Variants in FYCO1 observed in about 807,000 individuals in gnomAD.
FYCO1 encodes the protein FYVE and coiled-coil domain-containing protein 1.
Under a neutral mutation model 165.1 loss-of-function variants are expected in FYCO1, and 122 were observed. The observed-to-expected ratio is 0.74, with a 90% CI of 0.64 to 0.86. FYCO1 has a LOEUF of 0.86. Ranked by LOEUF, FYCO1 falls within the 40% of genes least tolerant of loss-of-function variation. The pLI, the probability that FYCO1 is intolerant of heterozygous loss-of-function variation, is 0.00. For synonymous variants in FYCO1, 648 were observed against 742.5 expected (o/e 0.87, Z 2.07); for missense variants, 1,702 against 1,810.3 (o/e 0.94, Z 1.09).
chr3:45,935,937 G>A (rs565064554), intron 15 of FYCO1, among the ~76,000 whole-genome samples: 11 of 152,246 alleles, frequency 7.2e-5, no homozygotes, highest in Non-Finnish European at 1.0e-4. Flanking sequence ...TGGAGAACTC[G>A]ATGATATGGG....
At position 45,955,440 on chromosome 3, in the gene FYCO1, T is replaced by C. The variant is rs189827848; in HGVS notation, c.3800-47A>G. ...GGAGAGAAGAGACACAACACACTGT[T>C]ATGCATAGGCTGGGTAAGGGCCCTT... is the stretch of plus-strand genomic sequence containing the variant. On this transcript the variant is annotated intron_variant, in intron 13 of 17. Transcript: ENST00000296137. 4 of 1,610,848 alleles carry C rather than the reference T, an allele frequency of 2.5e-6. No homozygotes were observed. The African/African-American group carries it at 5.3e-5, about 21-fold the overall frequency.
intron 1 of FYCO1, among the ~76,000 whole-genome samples, chr3:45,989,015 T>C (rs1448662915): frequency 6.6e-6 from 1 of 152,132 alleles, no homozygotes; most frequent in African/African-American, 2.4e-5. Context: ...CTAATACTCA[T>C]AATATTGCCC....
At position 45,973,055 on chromosome 3, in the gene FYCO1, C is replaced by T. The variant is rs1054450845; in HGVS notation, c.539+33G>A. 3 of 1,613,178 alleles carry T rather than the reference C, an allele frequency of 1.9e-6. No homozygotes were observed. The African/African-American group carries it at 4.0e-5, about 22-fold the overall frequency. ...TTCAAAACTTCAAATGTCTCTTTTCCTGTCTTTTAAACCAAGCAATCCTTC... is the reference window on the plus strand; with the variant it reads ...TTCAAAACTTCAAATGTCTCTTTTCTTGTCTTTTAAACCAAGCAATCCTTC... On this transcript the variant is annotated intron_variant, in intron 6 of 17. Transcript: ENST00000296137.
intron 11 of FYCO1, among the ~76,000 whole-genome samples, chr3:45,960,573 C>A (rs1705646553): frequency 6.6e-6 from 1 of 152,200 alleles, no homozygotes. Flanking sequence ...CCTCAGGTCA[C>A]AAATACCCTG....
chr3:45,958,708 T>C lies in FYCO1; in HGVS notation c.3588-89A>G, dbSNP rs1705509557. The C allele has an allele frequency of 3.9e-6, 5 of 1,279,782 alleles. No homozygotes were observed. The Admixed American group carries it at 5.1e-5, about 13-fold the overall frequency. The allele number at this position is 1,279,782 out of a possible 1,614,324, so 79.3% of individuals were successfully genotyped here. ...CACCCAAACTGGGCTCTGGATGCCA[T>C]GTGACTCTCATCAGACCTGGCTCTG... On this transcript the variant is annotated intron_variant, in intron 12 of 17. Transcript: ENST00000296137.
intron 5 of FYCO1, among the ~76,000 whole-genome samples, chr3:45,974,539 G>T (rs1369127796): frequency 6.6e-6 from 1 of 152,056 alleles, no homozygotes; most frequent in African/African-American, 2.4e-5. Context: ...GAAACAAAAG[G>T]TTTTCCCTTT....
intron 6 of FYCO1, among the ~76,000 whole-genome samples, chr3:45,971,436 T>C (rs1706438977): frequency 6.6e-6 from 1 of 152,206 alleles, no homozygotes; most frequent in Non-Finnish European, 1.5e-5. Flanking sequence ...ATAAGATATA[T>C]ACTCATTACA....
chr3:45,936,368 C>T, intron 15 of FYCO1, 80 bp downstream of exon 15: 1 of 922,308 alleles, frequency 1.1e-6, no homozygotes, highest in Non-Finnish European at 1.8e-6. Flanking sequence ...CCGAGGTGGT[C>T]CCCAGCGCCG....
intron 17 of FYCO1, among the ~76,000 whole-genome samples, chr3:45,922,721 T>C (rs1354173190): frequency 6.6e-6 from 1 of 152,158 alleles, no homozygotes; most frequent in East Asian, 1.9e-4. Context: ...GTGGGCACTC[T>C]TGGCCACAAG....
Position 45,964,987 on chromosome 3 carries a change from A to G in FYCO1, c.3150+46T>C, listed in dbSNP as rs771843633. ...CCTCTTAAATGGTCCAGTCAAAACCACACCAGATGCCCTCTCCCTGACAGG... is the reference window on the plus strand; with the variant it reads ...CCTCTTAAATGGTCCAGTCAAAACCGCACCAGATGCCCTCTCCCTGACAGG... On this transcript the variant is annotated intron_variant, in intron 9 of 17. Transcript: ENST00000296137. This position sits in a 1 kb window ranked among gnomAD's most constrained non-coding sequence, Gnocchi z 4.1. 6.6e-7 allele frequency: 1 copy of G among 1,519,954 alleles called. No homozygotes were observed. The highest frequency in any genetic ancestry group is 9.1e-7 in the Non-Finnish European group (1 of 1,095,918). 94.2% of individuals were successfully genotyped at this position (1,519,954 alleles called of 1,614,324 possible).
chr3:45,969,791 C>T (rs1486403837), intron 6 of FYCO1, 26 bp from the exon 7 acceptor site: 1 of 1,598,994 alleles, frequency 6.3e-7, no homozygotes. Context: ...ACAGACATAC[C>T]TGTATTCAGA....
intron 16 of FYCO1, among the ~76,000 whole-genome samples, chr3:45,927,920 C>T (rs1375067852): frequency 6.6e-6 from 1 of 152,262 alleles, no homozygotes; most frequent in East Asian, 1.9e-4. Context: ...CTGAAGAGGG[C>T]ATGTTTAACA....
chr3:45,991,990 G>A (rs1279469135), intron 1 of FYCO1, among the ~76,000 whole-genome samples: 2 of 152,234 alleles, frequency 1.3e-5, no homozygotes, highest in Non-Finnish European at 2.9e-5. Flanking sequence ...GAAAAGCCGT[G>A]TGAGGCCACA....
At chr3:45,943,315 G>C (rs1575342172) in intron 14 of FYCO1, among the ~76,000 whole-genome samples, 1 of 152,292 alleles carries the variant, frequency 6.6e-6, no homozygotes, top group East Asian at 1.9e-4. Context: ...GGAGTGTGGG[G>C]TATCAGTCAC....
intron 10 of FYCO1, among the ~76,000 whole-genome samples, chr3:45,963,068 T>C (rs1705793673): frequency 6.6e-6 from 1 of 152,060 alleles, no homozygotes; most frequent in South Asian, 2.1e-4. Context: ...CAGTGGGACA[T>C]AATAAAAGCT....
chr3:45,931,246 C>G lies in FYCO1; in HGVS notation c.4076G>C (p.Ser1359Thr). Reference sequence around the variant, plus strand: ...CAGCTCCCTGCTACCCTCCCCGAAGCTGGCGATCTCATCCACTGTGAGGGG... The same window carrying G: ...CAGCTCCCTGCTACCCTCCCCGAAGGTGGCGATCTCATCCACTGTGAGGGG... ...KVPLTVDEIA[S>T]FGEGSRELFV... is the part of the protein sequence containing the mutation. Residue 1359 changes from serine (S) to threonine (T), a missense_variant, in exon 16 of 18, where the codon AGC becomes ACC. Coordinates refer to ENST00000296137, the MANE Select transcript of FYCO1 (RefSeq NM_024513.4). 1.9e-6 allele frequency: 3 copies of G among 1,613,958 alleles called. No individual in the cohort carries two copies. The highest frequency in any genetic ancestry group is 2.5e-6 in the Non-Finnish European group (3 of 1,179,966).
At chr3:45,944,572 A>G (rs1559447706) in intron 14 of FYCO1, among the ~76,000 whole-genome samples, 1 of 152,162 alleles carries the variant, frequency 6.6e-6, no homozygotes, top group Non-Finnish European at 1.5e-5. Flanking sequence ...TTAATTATAG[A>G]GGATAAAGAA....
At chr3:45,951,590 T>C (rs537180507) in intron 14 of FYCO1, among the ~76,000 whole-genome samples, 2 of 152,336 alleles carry the variant, frequency 1.3e-5, no homozygotes, top group South Asian at 4.1e-4. Flanking sequence ...GATTTCCTTC[T>C]CTGCCTCAGT....
At chr3:45,924,315 C>A (rs910865629) in intron 16 of FYCO1, among the ~76,000 whole-genome samples, 2 of 152,178 alleles carry the variant, frequency 1.3e-5, no homozygotes, top group Non-Finnish European at 2.9e-5. Context: ...TTCATCTTCC[C>A]GTGCCTGGGC....
Sources: allele counts gnomAD v4.1 joint callset (sites outside exome capture counted in the v4.1 genomes callset), GRCh38; gene constraint gnomAD v4.1.1; non-coding constraint Gnocchi (gnomAD v3.1); transcripts MANE v1.5; gene names NCBI Gene and HGNC (gene_info 2026-07-23, HGNC 2026-07-21).